PHLDB3: variants seen among roughly 807,000 people sequenced by gnomAD.
PHLDB3 encodes pleckstrin homology like domain family B member 3, also known as pleckstrin homology-like domain family B member 3.
A neutral mutation model predicts 85.7 loss-of-function variants in PHLDB3; 86 were observed. That is an observed-to-expected ratio of 1.00 (90% CI 0.84 to 1.20). The LOEUF (loss-of-function observed/expected upper bound fraction) is 1.20. Among genes scored for constraint, PHLDB3 ranks in the 50% most tolerant of loss-of-function variants. The pLI, the probability that PHLDB3 is intolerant of heterozygous loss-of-function variation, is 0.00. For missense variants in PHLDB3, 995 were observed against 873.0 expected, an observed-to-expected ratio of 1.14 and a Z score of -1.76; for synonymous variants, 376 against 349.8, an observed-to-expected ratio of 1.07 and a Z score of -0.83.
chr19:43,492,525 T>G (rs1971344016), intron 9 of PHLDB3, among the ~76,000 whole-genome samples: 1 of 151,552 alleles, frequency 6.6e-6, no homozygotes, highest in South Asian at 2.1e-4. Context: ...CACACACTGG[T>G]ATTCTTAACA....
chr19:43,501,523 A>C, intron 4 of PHLDB3: 1 of 916,484 alleles, frequency 1.1e-6, no homozygotes, highest in Non-Finnish European at 1.6e-6. Context: ...TAAATAGCAA[A>C]CGGACAGGGG....
chr19:43,482,552 GTTTT>G (rs1971069362), intron 13 of PHLDB3, among the ~76,000 whole-genome samples: 1 of 151,714 alleles, frequency 6.6e-6, no homozygotes, highest in Non-Finnish European at 1.5e-5. Flanking sequence ...TTGTTTGTTT[GTTTT>G]GAGACAGAGT....
At chr19:43,500,909 A>ACCCCCCCCCCCCCCCCCCCCCCCCCCCC (rs1248570317) in intron 4 of PHLDB3, among the ~76,000 whole-genome samples, 1 of 17,152 alleles carries the variant, frequency 5.8e-5, no homozygotes, top group Admixed American at 6.1e-4. Flanking sequence ...CGCCCCCCGT[A>ACCCCCCCCCCCCCCCCCCCCCCCCCCCC]CCCCCCCCCC....
At chr19:43,499,797 G>A (rs1971545658) in intron 4 of PHLDB3, among the ~76,000 whole-genome samples, 1 of 152,028 alleles carries the variant, frequency 6.6e-6, no homozygotes, top group African/African-American at 2.4e-5. Flanking sequence ...GCAGTGGTGT[G>A]ATCTTGGCTC....
Position 43,489,588 on chromosome 19 carries a change from G to A in PHLDB3, c.1150-2465C>T, listed in dbSNP as rs1031522120. Among the ~76,000 whole-genome samples the A allele has an allele frequency of 5.9e-5, 9 of 152,108 alleles. No homozygotes were observed. In the East Asian group the frequency reaches 7.7e-4, roughly 13 times the overall value. On this transcript the variant is annotated intron_variant, in intron 9 of 15. Coordinates refer to ENST00000292140, the MANE Select transcript of PHLDB3 (RefSeq NM_198850.4). The stretch of plus-strand genomic sequence containing the variant: ...TTCTCTGAATATCCTCCCACACCAT[G>A]TGAATTTTGAACGAGGAGAATGTTA...
intron 7 of PHLDB3, 21 bp downstream of exon 7, chr19:43,495,474 G>A (rs1207985350): frequency 1.2e-6 from 2 of 1,605,678 alleles, no homozygotes; most frequent in Non-Finnish European, 1.7e-6. Context: ...GGTAGGGTAG[G>A]GCAGGTGACA....
chr19:43,499,098 C>T (rs1230112574), intron 4 of PHLDB3, among the ~76,000 whole-genome samples: 1 of 152,052 alleles, frequency 6.6e-6, no homozygotes, highest in Non-Finnish European at 1.5e-5. Flanking sequence ...CTCGGGAGTC[C>T]TCCAAGCAAT....
At chr19:43,502,322 GC>G (rs1376712170) in intron 2 of PHLDB3, 39 bp from the exon 3 acceptor site, 1 of 1,519,464 alleles carries the variant, frequency 6.6e-7, no homozygotes, top group Non-Finnish European at 8.8e-7. Context: ...GAGATGCCTC[GC>G]CCCCTGCAAT....
chr19:43,500,909 A>ACCCCCC (rs1248570317), intron 4 of PHLDB3, among the ~76,000 whole-genome samples: 25 of 17,144 alleles, frequency 1.5e-3, no homozygotes, highest in Non-Finnish European at 2.0e-3. Context: ...CGCCCCCCGT[A>ACCCCCC]CCCCCCCCCC....
intron 1 of PHLDB3, 59 bp from the exon 2 acceptor site, chr19:43,504,191 C>G: frequency 6.9e-7 from 1 of 1,442,120 alleles, no homozygotes; most frequent in Non-Finnish European, 9.2e-7. Flanking sequence ...CTGAGCGCCG[C>G]TCGCGTCTGC....
In PHLDB3 at chr19:43,475,532, G is replaced by A. The variant is rs1373717390; in HGVS notation, c.1801C>T (p.Arg601Cys). The change falls in exon 16 of 16, where the codon CGC (arginine) becomes TGC (cysteine). Residue 601 changes from arginine to cysteine, a missense_variant. Physicochemically the swap from Arg to Cys is radical, Grantham distance 180 (BLOSUM62 -3). Transcript: ENST00000292140. ...TAGGTTTTGACGCAGAAGGTCAGGC[G>A]GGGGTTGGGGCTCTGGAATAAGCAG... ...LRCAFKSPNPRLTFCVKTYER... is the reference protein window; with the variant it reads ...LRCAFKSPNPCLTFCVKTYER... The A allele has an allele frequency of 1.9e-6, 3 of 1,613,924 alleles. No homozygotes were observed. The African/African-American group carries it at 4.0e-5, about 22-fold the overall frequency.
At chr19:43,483,187 GT>G (rs1971083437) in intron 13 of PHLDB3, among the ~76,000 whole-genome samples, 1 of 152,130 alleles carries the variant, frequency 6.6e-6, no homozygotes, top group African/African-American at 2.4e-5. Flanking sequence ...ACTGGTGCAT[GT>G]GGAAAAGTAT....
intron 9 of PHLDB3, among the ~76,000 whole-genome samples, chr19:43,489,183 G>C (rs1419980690): frequency 6.6e-6 from 1 of 151,528 alleles, no homozygotes; most frequent in Non-Finnish European, 1.5e-5. Context: ...AAAAAGAAAA[G>C]AAAAAAAACA....
rs1260574185 is a variant in PHLDB3 at position 43,503,940 on chromosome 19, C to T, written c.179G>A (p.Gly60Glu). Residue 60 changes from glycine (G) to glutamate (E), a missense_variant, in exon 2 of 16, where the codon GGA becomes GAA. Physicochemically the swap from Gly to Glu is moderately conservative, Grantham distance 98. Transcript: ENST00000292140. ...AEQQAEEEEV[G>E]EGSSTESSRD... ...GCTGCTCTCAGTGCTGCTGCCTTCT[C>T]CCACTTCTTCTTCCTCTGCCTGCTG... The T allele has an allele frequency of 6.2e-7, 1 of 1,613,916 alleles. No individual in the cohort carries two copies. Among genetic ancestry groups the T allele is most frequent in the East Asian group, 2.2e-5 (1 of 44,882 alleles).
intron 6 of PHLDB3, chr19:43,496,434 T>C (rs1255973480): frequency 6.6e-6 from 1 of 152,166 alleles, no homozygotes; most frequent in Non-Finnish European, 1.5e-5. Context: ...AAGGATCTGA[T>C]GAAGCATCTT....
intron 13 of PHLDB3, among the ~76,000 whole-genome samples, chr19:43,481,969 G>A (rs934512892): frequency 2.0e-5 from 3 of 151,990 alleles, no homozygotes; most frequent in African/African-American, 7.2e-5. Flanking sequence ...AGTACCCGCT[G>A]GGCCTGCAAT....
At chr19:43,488,347 C>T (rs1276053202) in intron 9 of PHLDB3, among the ~76,000 whole-genome samples, 1 of 152,028 alleles carries the variant, frequency 6.6e-6, no homozygotes, top group Non-Finnish European at 1.5e-5. Flanking sequence ...GTCCCAGCTA[C>T]TGTGGAGGCT....
intron 6 of PHLDB3, chr19:43,496,429 T>G (rs185068882): frequency 1.3e-5 from 2 of 152,246 alleles, no homozygotes. Flanking sequence ...CCAGGAAGGA[T>G]CTGATGAAGC....
intron 4 of PHLDB3, among the ~76,000 whole-genome samples, chr19:43,500,790 A>G (rs995065167): frequency 6.6e-6 from 1 of 151,798 alleles, no homozygotes; most frequent in African/African-American, 2.4e-5. Context: ...ACATGCCACC[A>G]TGCCTGGTTA....
Sources: gnomAD v4.1 joint callset for allele counts (sites outside exome capture counted in the v4.1 genomes callset) on GRCh38, gnomAD v4.1.1 for gene constraint, MANE v1.5 for transcripts, NCBI Gene and HGNC (gene_info 2026-07-23, HGNC 2026-07-21) for gene names.